Variants in PPIP5K2 observed in about 807,000 individuals in gnomAD.
The protein encoded by PPIP5K2 is inositol hexakisphosphate and diphosphoinositol-pentakisphosphate kinase 2.
PPIP5K2 carries 105 observed loss-of-function variants against 154.6 expected under a neutral mutation model. The ratio of observed to expected loss-of-function variants is 0.68; its 90% CI spans 0.58 to 0.80. The LOEUF is 0.80. Ranked by LOEUF, PPIP5K2 falls within the 30% of genes least tolerant of loss-of-function variation. PPIP5K2 has a pLI of 0.00. For missense variants in PPIP5K2, 992 were observed against 1,504.6 expected (o/e 0.66, Z 5.64); for synonymous variants, 480 against 490.3 (o/e 0.98, Z 0.28).
intron 9 of PPIP5K2, 128 bp downstream of exon 9, chr5:103,151,502 C>T: frequency 1.4e-6 from 1 of 698,604 alleles, no homozygotes; most frequent in Non-Finnish European, 2.3e-6. Flanking sequence ...TAAAATGATA[C>T]CCCCAGAGAC....
At chr5:103,179,090 T>C (rs1799135312) in intron 23 of PPIP5K2, among the ~76,000 whole-genome samples, 1 of 152,014 alleles carries the variant, frequency 6.6e-6, no homozygotes, top group African/African-American at 2.4e-5. Context: ...TAACATCATC[T>C]ATGAATGATG....
At chr5:103,193,171 A>C (rs1801514060) in intron 29 of PPIP5K2, among the ~76,000 whole-genome samples, 1 of 152,158 alleles carries the variant, frequency 6.6e-6, no homozygotes, top group Non-Finnish European at 1.5e-5. Flanking sequence ...ACTAAAATCC[A>C]GGTCTTCTAA....
At position 103,186,349 on chromosome 5, in the gene PPIP5K2, T is replaced by C. The variant is rs1232936254; in HGVS notation, c.3199T>C (p.Ser1067Pro). The C allele has an allele frequency of 6.2e-7, 1 of 1,613,782 alleles. No homozygotes were observed. The highest frequency in any genetic ancestry group is 8.5e-7 in the Non-Finnish European group (1 of 1,179,888). Residue 1067 changes from serine to proline, a missense_variant, in exon 27 of 31, where the codon TCG becomes CCG. Coordinates refer to ENST00000358359, the MANE Select transcript of PPIP5K2 (RefSeq NM_001276277.3). Reference sequence around the variant, plus strand: ...TCACTGTGCGGGCCTGTTTAGCACCTCGGTGCTCGGGGGTTCTTCAAGCGC... The same window carrying C: ...TCACTGTGCGGGCCTGTTTAGCACCCCGGTGCTCGGGGGTTCTTCAAGCGC... ...GSHCAGLFST[S>P]VLGGSSSAPN...
intron 19 of PPIP5K2, among the ~76,000 whole-genome samples, chr5:103,171,720 A>C (rs868991367): frequency 6.6e-6 from 1 of 151,570 alleles, no homozygotes; most frequent in Admixed American, 6.6e-5. Flanking sequence ...AATGTTTTGG[A>C]ATATTCTTAA....
Position 103,180,201 on chromosome 5 carries a change from A to G in PPIP5K2, c.2922+13A>G. The stretch of plus-strand genomic sequence containing the variant: ...GGCTACAAATGATGTAAGTATATGT[A>G]TCAGAACACATTTTTCATACAGTAA... On this transcript the variant is annotated intron_variant, in intron 24 of 30. Transcript: ENST00000358359. 6.5e-7 allele frequency: 1 copy of G among 1,543,978 alleles called. No homozygotes were observed. The highest frequency in any genetic ancestry group is 1.3e-5 in the South Asian group (1 of 78,012).
chr5:103,164,395 C>G (rs1393766330), intron 17 of PPIP5K2, among the ~76,000 whole-genome samples: 1 of 151,918 alleles, frequency 6.6e-6, no homozygotes, highest in Admixed American at 6.6e-5. Flanking sequence ...TTCTACCTCT[C>G]TAGTTTTATT....
At chr5:103,186,221 T>C in intron 26 of PPIP5K2, 99 bp from the exon 27 acceptor site, 1 of 1,498,796 alleles carries the variant, frequency 6.7e-7, no homozygotes, top group Non-Finnish European at 9.1e-7. Context: ...AAAGGTTGCC[T>C]TATATGTGGT....
chr5:103,190,781 A>G lies in PPIP5K2; in HGVS notation c.3353-61A>G, dbSNP rs1009413000. On this transcript the variant is annotated intron_variant, in intron 28 of 30. Coordinates refer to ENST00000358359, the MANE Select transcript of PPIP5K2 (RefSeq NM_001276277.3). ...GTTCTAAGCAGTAGTCTTCCTTTCT[A>G]ATTACTGATTTTTAAAATATCCATC... 1.2e-5 allele frequency: 18 copies of G among 1,446,898 alleles called. No individual in the cohort carries two copies. The African/African-American group carries it at 2.2e-4, about 17-fold the overall frequency. 89.6% of individuals were successfully genotyped at this position (1,446,898 alleles called of 1,614,324 possible).
intron 5 of PPIP5K2, 39 bp from the exon 6 acceptor site, chr5:103,146,488 G>C (rs1554209204): frequency 6.3e-7 from 1 of 1,591,324 alleles, no homozygotes; most frequent in Non-Finnish European, 8.6e-7. Context: ...AATATAATAA[G>C]AATATGTGAT....
chr5:103,199,391 C>A (rs1554229577), intron 30 of PPIP5K2, among the ~76,000 whole-genome samples: 1 of 152,032 alleles, frequency 6.6e-6, no homozygotes, highest in Admixed American at 6.6e-5. Flanking sequence ...TGCCTTCATT[C>A]TTGCAGTGTA....
At chr5:103,142,578 C>G (rs1424531668) in intron 5 of PPIP5K2, among the ~76,000 whole-genome samples, 1 of 152,140 alleles carries the variant, frequency 6.6e-6, no homozygotes, top group Admixed American at 6.5e-5. Context: ...GCTGTGAGGA[C>G]TGCTAGCACG....
chr5:103,140,000 G>A (rs1354351454), intron 5 of PPIP5K2, among the ~76,000 whole-genome samples: 1 of 152,114 alleles, frequency 6.6e-6, no homozygotes, highest in Non-Finnish European at 1.5e-5. Flanking sequence ...GGAAAAGAAT[G>A]AAACACACTT....
intron 28 of PPIP5K2, 108 bp from the exon 29 acceptor site, chr5:103,190,732 GAC>G: frequency 2.5e-5 from 23 of 920,984 alleles, no homozygotes; most frequent in Non-Finnish European, 3.5e-5. Flanking sequence ...GCATGTGATA[GAC>G]TGAAAAGACC....
intron 10 of PPIP5K2, among the ~76,000 whole-genome samples, chr5:103,153,211 T>TG (rs1794906720): frequency 6.6e-6 from 1 of 151,836 alleles, no homozygotes; most frequent in Admixed American, 6.6e-5. Context: ...GTACTGATGA[T>TG]GGGGGGAACT....
intron 24 of PPIP5K2, 50 bp downstream of exon 24, chr5:103,180,238 T>G: frequency 1.4e-6 from 2 of 1,406,624 alleles, no homozygotes; most frequent in Non-Finnish European, 1.9e-6. Flanking sequence ...CTAACTATAT[T>G]TTAATAAAAC....
At chr5:103,176,745 C>A in intron 21 of PPIP5K2, 2 of 555,128 alleles carry the variant, frequency 3.6e-6, no homozygotes, top group Non-Finnish European at 6.3e-6. Flanking sequence ...TAACTGTTGA[C>A]TATAGACTTT....
At chr5:103,162,350 C>CTTTTTTTT (rs200973581) in intron 17 of PPIP5K2, among the ~76,000 whole-genome samples, 77 of 138,430 alleles carry the variant, frequency 5.6e-4, no homozygotes, top group Non-Finnish European at 7.1e-4. Flanking sequence ...GATGTGTTTT[C>CTTTTTTTT]TTTTTTTTTT....
chr5:103,162,779 G>A (rs1346768393), intron 17 of PPIP5K2, among the ~76,000 whole-genome samples: 1 of 152,032 alleles, frequency 6.6e-6, no homozygotes, highest in Non-Finnish European at 1.5e-5. Flanking sequence ...TCGGAGAAGA[G>A]GCCATAAGAT....
At chr5:103,153,699 A>T in intron 10 of PPIP5K2, 149 bp from the exon 11 acceptor site, 1 of 466,786 alleles carries the variant, frequency 2.1e-6, no homozygotes, top group South Asian at 3.7e-5. Flanking sequence ...AGTTAAAACT[A>T]GATTGTTATA....
Sources: gnomAD v4.1 joint callset for allele counts (sites outside exome capture counted in the v4.1 genomes callset) on GRCh38, gnomAD v4.1.1 for gene constraint, MANE v1.5 for transcripts, NCBI Gene and HGNC (gene_info 2026-07-23, HGNC 2026-07-21) for gene names.